The following CTCF variants were observed in gnomAD, a reference collection of about 807,000 sequenced individuals.
CTCF encodes the protein transcriptional repressor CTCF.
Under a neutral mutation model 72.3 loss-of-function variants are expected in CTCF, and 7 were observed. That is an observed-to-expected ratio of 0.10 (90% CI 0.06 to 0.18). CTCF has a LOEUF of 0.18. Ranked by LOEUF, CTCF falls within the 10% of genes least tolerant of loss-of-function variation. CTCF has a pLI of 1.00. For synonymous variants in CTCF, 374 were observed against 315.8 expected (o/e 1.18, Z -1.95); for missense variants, 516 against 949.1 (o/e 0.54, Z 6.00).
intron 5 of CTCF, among the ~76,000 whole-genome samples, chr16:67,620,327 A>T (rs752584122): frequency 6.6e-6 from 1 of 151,896 alleles, no homozygotes. Context: ...CAGCCTTCCG[A>T]GTAGCTGGGA....
At chr16:67,612,824 C>T (rs1163665885) in intron 4 of CTCF, among the ~76,000 whole-genome samples, 2 of 152,064 alleles carry the variant, frequency 1.3e-5, no homozygotes, top group African/African-American at 4.8e-5. Context: ...GTAATCCCAG[C>T]TACTCAGGAG....
chr16:67,625,976 C>T (rs1485614527), intron 7 of CTCF, among the ~76,000 whole-genome samples: 2 of 152,154 alleles, frequency 1.3e-5, no homozygotes, highest in Admixed American at 6.6e-5. Flanking sequence ...CAACTGCTTC[C>T]ATCTCTCATC....
intron 2 of CTCF, among the ~76,000 whole-genome samples, chr16:67,608,971 C>G (rs771479538): frequency 1.3e-5 from 2 of 151,736 alleles, no homozygotes; most frequent in African/African-American, 2.4e-5. Flanking sequence ...GTACTCCCGA[C>G]CTCAGGTGAT....
At chr16:67,579,005 A>G (rs937880244) in intron 2 of CTCF, among the ~76,000 whole-genome samples, 1 of 151,710 alleles carries the variant, frequency 6.6e-6, no homozygotes, top group African/African-American at 2.4e-5. Context: ...CTGTAATCCC[A>G]GCACTTTGGG....
intron 2 of CTCF, among the ~76,000 whole-genome samples, chr16:67,601,293 C>A (rs1262283242): frequency 4.0e-5 from 3 of 75,534 alleles, no homozygotes; most frequent in Admixed American, 2.9e-4. Context: ...CACTCTGTCA[C>A]CGTGTGTGTG....
chr16:67,581,628 G>A (rs1039285447), intron 2 of CTCF, among the ~76,000 whole-genome samples: 2 of 151,898 alleles, frequency 1.3e-5, no homozygotes, highest in Non-Finnish European at 2.9e-5. Context: ...GTTAGCCTCC[G>A]GAGTAGATGG....
chr16:67,565,631 C>A (rs1453387874), intron 1 of CTCF, among the ~76,000 whole-genome samples: 3 of 145,664 alleles, frequency 2.1e-5, no homozygotes. Context: ...CGAGATTGTG[C>A]TGCTGCACTC....
At chr16:67,591,728 G>A (rs914655562) in intron 2 of CTCF, among the ~76,000 whole-genome samples, 2 of 151,776 alleles carry the variant, frequency 1.3e-5, no homozygotes, top group African/African-American at 4.8e-5. Context: ...TTTTGGGGGG[G>A]GGCAGTAAGG....
chr16:67,599,005 C>T (rs925830270), intron 2 of CTCF, among the ~76,000 whole-genome samples: 1 of 152,194 alleles, frequency 6.6e-6, no homozygotes, highest in South Asian at 2.1e-4. Flanking sequence ...AAAGAGATGA[C>T]AGATACTAAA....
chr16:67,626,463 A>G, intron 7 of CTCF, 92 bp from the exon 8 acceptor site: 1 of 993,080 alleles, frequency 1.0e-6, no homozygotes, highest in Non-Finnish European at 1.3e-6. Context: ...AAAAAAAAAA[A>G]AAAAAAAAAA....
chr16:67,580,626 A>G (rs991470560), intron 2 of CTCF, among the ~76,000 whole-genome samples: 2 of 151,942 alleles, frequency 1.3e-5, no homozygotes, highest in African/African-American at 2.4e-5. Context: ...CAGTGGCTCA[A>G]TCTCAGCTCA....
In CTCF at chr16:67,632,963, G is replaced by A. The variant is rs570020600; in HGVS notation, c.1837+3430G>A. Reference sequence around the variant, plus strand: ...GTACATTTTGTGCCGCAGCCATGGGGGAGGGATAACAAAAGCTCTTTGGCT... The same window carrying A: ...GTACATTTTGTGCCGCAGCCATGGGAGAGGGATAACAAAAGCTCTTTGGCT... On this transcript the variant is annotated intron_variant, in intron 10 of 11. Transcript: ENST00000264010. Among the ~76,000 whole-genome samples, 26 of 152,298 alleles carry A rather than the reference G, an allele frequency of 1.7e-4. No homozygotes were observed. The East Asian group carries it at 5.0e-3, about 29-fold the overall frequency.
intron 7 of CTCF, 32 bp from the exon 8 acceptor site, chr16:67,626,523 A>T: frequency 7.2e-7 from 1 of 1,379,756 alleles, no homozygotes; most frequent in Admixed American, 2.7e-5. Context: ...TTGTGTTTTC[A>T]CATTACCCTG....
At chr16:67,584,746 G>C (rs2142750919) in intron 2 of CTCF, among the ~76,000 whole-genome samples, 1 of 152,118 alleles carries the variant, frequency 6.6e-6, no homozygotes, top group South Asian at 2.1e-4. Context: ...GAAAATTTAA[G>C]TCATCTGTCA....
At chr16:67,603,329 A>C (rs762906085) in intron 2 of CTCF, among the ~76,000 whole-genome samples, 7 of 151,962 alleles carry the variant, frequency 4.6e-5, no homozygotes, top group Admixed American at 1.3e-4. Context: ...GGAGATCGAG[A>C]CCATCCTGCC....
Position 67,637,987 on chromosome 16 carries a change from A to G in CTCF, c.*115A>G. 1 of 960,452 alleles carries G rather than the reference A, an allele frequency of 1.0e-6. No homozygotes were observed. The highest frequency in any genetic ancestry group is 1.5e-6 in the Non-Finnish European group (1 of 666,638). The allele number at this position is 960,452 out of a possible 1,614,324, so 59.5% of individuals were successfully genotyped here. ...TTTGGGAAAAGCATCATTTTACCAA[A>G]CATACCGAGAACGAAAACTTCAAGG... On this transcript the variant is annotated 3_prime_UTR_variant, in exon 12 of 12. Coordinates refer to ENST00000264010, the MANE Select transcript of CTCF (RefSeq NM_006565.4).
chr16:67,624,071 ATGTGTGTGTGTGTGTGTG>A (rs58387336), intron 7 of CTCF, among the ~76,000 whole-genome samples: 1,278 of 117,586 alleles, frequency 0.011, 13 homozygotes, highest in Non-Finnish European at 0.014. Flanking sequence ...AAAATTATAT[ATGTGTGTGTGTGTGTGTG>A]TGTGTGTGTG....
At chr16:67,570,985 G>A (rs1456025879) in intron 1 of CTCF, 163 bp from the exon 2 acceptor site, 2 of 152,132 alleles carry the variant, frequency 1.3e-5, no homozygotes, top group Non-Finnish European at 2.9e-5. Flanking sequence ...TTGGCTTGAT[G>A]GTGGACATTT....
intron 2 of CTCF, among the ~76,000 whole-genome samples, chr16:67,594,664 T>G (rs2051788979): frequency 6.6e-6 from 1 of 152,196 alleles, no homozygotes; most frequent in South Asian, 2.1e-4. Context: ...ACTTAGCATA[T>G]AAACAGTGTT....
Sources: gnomAD v4.1 joint callset for allele counts (sites outside exome capture counted in the v4.1 genomes callset) on GRCh38, gnomAD v4.1.1 for gene constraint, MANE v1.5 for transcripts, NCBI Gene and HGNC (gene_info 2026-07-23, HGNC 2026-07-21) for gene names.